LMOD1: variants seen among roughly 807,000 people sequenced by gnomAD.
LMOD1 encodes the protein leiomodin 1, also known as leiomodin-1.
In LMOD1, 8 loss-of-function variants were observed where a neutral mutation model predicts 36.5. The observed-to-expected ratio is 0.22, with a 90% CI of 0.13 to 0.40. The LOEUF (loss-of-function observed/expected upper bound fraction) is 0.40, where lower values mean the gene tolerates loss of function less well. LMOD1 is among the 10% of genes least tolerant of loss of function. The pLI is 1.00. For synonymous variants in LMOD1, 284 were observed against 288.7 expected (o/e 0.98, Z 0.17); for missense variants, 630 against 751.1 (o/e 0.84, Z 1.88).
chr1:201,901,685 TATGTGTATATA>T (rs1681328932), intron 1 of LMOD1, among the ~76,000 whole-genome samples: 1 of 97,090 alleles, frequency 1.0e-5, no homozygotes, highest in Non-Finnish European at 2.2e-5. Flanking sequence ...CACATATATA[TATGTGTATATA>T]TATATATATG....
chr1:201,909,515 G>C (rs555860175), intron 1 of LMOD1, among the ~76,000 whole-genome samples: 1 of 152,282 alleles, frequency 6.6e-6, no homozygotes, highest in African/African-American at 2.4e-5. Context: ...CAAGTCCTGG[G>C]ATTACAGGTG....
chr1:201,938,805 C>T (rs1682064474), intron 1 of LMOD1, among the ~76,000 whole-genome samples: 1 of 152,204 alleles, frequency 6.6e-6, no homozygotes, highest in South Asian at 2.1e-4. Flanking sequence ...ATCCCGACAA[C>T]CCGGCTTGTT....
chr1:201,937,005 A>G (rs938548717), intron 1 of LMOD1, among the ~76,000 whole-genome samples: 13 of 152,204 alleles, frequency 8.5e-5, no homozygotes, highest in African/African-American at 3.1e-4. Flanking sequence ...CTTTGTTGGA[A>G]GTGGTCTCCC....
At chr1:201,919,991 G>A (rs1000129425) in intron 1 of LMOD1, among the ~76,000 whole-genome samples, 8 of 147,014 alleles carry the variant, frequency 5.4e-5, no homozygotes, top group African/African-American at 2.0e-4. Context: ...ACTTCAAAGA[G>A]TAGAAGGAAT....
In LMOD1 at chr1:201,899,279, T is replaced by C. The variant is rs781773168; in HGVS notation, c.1734A>G (p.Leu578=). 6.2e-7 allele frequency: 1 copy of C among 1,604,920 alleles called. No individual in the cohort carries two copies. The highest frequency in any genetic ancestry group is 2.2e-5 in the East Asian group (1 of 44,650). The change falls in exon 2 of 3, where the codon CTA becomes CTG. Residue 578 remains leucine, a synonymous_variant. Transcript: ENST00000367288. This position sits in a 1 kb window ranked among gnomAD's most constrained non-coding sequence, Gnocchi z 6.3. ...GGTTGCTGGAGCGGATGGCAGCCAA[T>C]AGCTGGTCACGGGAGTTCTTCTCCT... ...PAQEKNSRDQ[L]LAAIRSSNLK...
intron 1 of LMOD1, among the ~76,000 whole-genome samples, chr1:201,924,217 A>G (rs1314430987): frequency 6.6e-6 from 1 of 150,880 alleles, no homozygotes; most frequent in Non-Finnish European, 1.5e-5. Context: ...CCAGCTACTC[A>G]GCAGGCTGAG....
At chr1:201,907,065 C>T (rs1681423771) in intron 1 of LMOD1, among the ~76,000 whole-genome samples, 1 of 152,202 alleles carries the variant, frequency 6.6e-6, no homozygotes, top group Non-Finnish European at 1.5e-5. Flanking sequence ...CTTGTAACAA[C>T]TGATATTGCC....
chr1:201,938,539 G>C (rs1489642678), intron 1 of LMOD1, among the ~76,000 whole-genome samples: 1 of 152,294 alleles, frequency 6.6e-6, no homozygotes, highest in South Asian at 2.1e-4. Flanking sequence ...GGTCTAGCTG[G>C]CCCCTGAGGA....
chr1:201,901,556 A>ACG, intron 1 of LMOD1, among the ~76,000 whole-genome samples: 1 of 35,578 alleles, frequency 2.8e-5, no homozygotes, highest in South Asian at 8.1e-4. Flanking sequence ...ATATATACAT[A>ACG]TATATATGTA....
At chr1:201,903,473 G>C (rs920234307) in intron 1 of LMOD1, among the ~76,000 whole-genome samples, 1 of 152,212 alleles carries the variant, frequency 6.6e-6, no homozygotes, top group African/African-American at 2.4e-5. Flanking sequence ...AGATCAACTG[G>C]GTTTGACCCT....
chr1:201,913,535 A>C (rs182000102), intron 1 of LMOD1, among the ~76,000 whole-genome samples: 1 of 152,326 alleles, frequency 6.6e-6, no homozygotes, highest in African/African-American at 2.4e-5. Context: ...CGAAGTCAGG[A>C]GGCAGAGGTT....
chr1:201,910,724 C>T (rs1024594463), intron 1 of LMOD1, among the ~76,000 whole-genome samples: 3 of 131,502 alleles, frequency 2.3e-5, no homozygotes, highest in Non-Finnish European at 4.8e-5. Flanking sequence ...ACATTTTCCC[C>T]TTTTGCAGAT....
intron 1 of LMOD1, among the ~76,000 whole-genome samples, chr1:201,924,706 AAAG>A (rs1400066177): frequency 1.1e-4 from 10 of 87,636 alleles, no homozygotes; most frequent in Non-Finnish European, 2.0e-4. Context: ...AGAAAGAAAG[AAAG>A]AAAGAAAGAA....
intron 1 of LMOD1, among the ~76,000 whole-genome samples, chr1:201,939,201 A>G (rs1225002726): frequency 1.3e-5 from 2 of 151,858 alleles, no homozygotes; most frequent in Non-Finnish European, 2.9e-5. Context: ...ATACAGGTAC[A>G]AACTCTGAAG....
chr1:201,920,045 CTTTTTTTTTTTTTTT>C lies in LMOD1; in HGVS notation c.262-19309_262-19295del, dbSNP rs576044641. ...TCTCCACCCGCCACTGGCTCTCTCT[CTTTTTTTTTTTTTTT>C]TTTTTTTTTTTTTGAGACCAAGTTT... is the stretch of plus-strand genomic sequence containing the variant. On this transcript the variant is annotated intron_variant, in intron 1 of 2. Coordinates refer to ENST00000367288, the MANE Select transcript of LMOD1 (RefSeq NM_012134.3). Among the ~76,000 whole-genome samples the C allele has an allele frequency of 2.2e-3, 118 of 52,544 alleles. 5 individuals carry two copies. In the East Asian group the frequency reaches 0.04, roughly 18 times the overall value. 34.5% of individuals were successfully genotyped at this position (52,544 alleles called of 152,430 possible). A position where few individuals can be genotyped will look rare whatever the true frequency, so the allele number is the denominator to read the frequency against.
rs1244129651 is a variant in LMOD1, at chr1:201,897,139, G to T, written c.*1233C>A. 8.1e-6 allele frequency: 2 copies of T among 245,690 alleles called. No individual in the cohort carries two copies. The highest frequency in any genetic ancestry group is 1.6e-5 in the Non-Finnish European group (2 of 121,912). 15.2% of individuals were successfully genotyped at this position (245,690 alleles called of 1,614,324 possible). ...TGGAATTGGTGAGCAGGTGGGGAGG[G>T]CTGGGGAAGATGAGGCCCCTCTGAG... is the stretch of plus-strand genomic sequence containing the variant. On this transcript the variant is annotated 3_prime_UTR_variant, in exon 3 of 3. Coordinates refer to ENST00000367288, the MANE Select transcript of LMOD1 (RefSeq NM_012134.3).
intron 1 of LMOD1, 76 bp from the exon 2 acceptor site, chr1:201,900,827 G>A: frequency 3.0e-6 from 4 of 1,333,536 alleles, no homozygotes; most frequent in Non-Finnish European, 4.1e-6. Flanking sequence ...GGATGTGTGG[G>A]GGAGCGCTTA....
intron 1 of LMOD1, among the ~76,000 whole-genome samples, chr1:201,907,869 G>A (rs987953428): frequency 6.6e-6 from 1 of 152,130 alleles, no homozygotes; most frequent in Admixed American, 6.5e-5. Context: ...CACTGTATGA[G>A]GGACACAGTG....
In LMOD1 at chr1:201,924,678, A is replaced by AAAG. The variant is rs1171043340; in HGVS notation, c.261+21399_261+21401dup. Among the ~76,000 whole-genome samples the AAAG allele has an allele frequency of 2.5e-3, 54 of 21,986 alleles. 1 individual carries two copies. Among genetic ancestry groups the AAAG allele is most frequent in the South Asian group, 0.015 (7 of 470 alleles). 14.4% of individuals were successfully genotyped at this position (21,986 alleles called of 152,430 possible). On this transcript the variant is annotated intron_variant, in intron 1 of 2. Transcript: ENST00000367288. ...AAAGAAAGAAAAAAAAGAAAGAAAG[A>AAAG]AAGAAAGAAAGAAAGAAAGAAAGAA...
Sources: allele counts gnomAD v4.1 joint callset (sites outside exome capture counted in the v4.1 genomes callset), GRCh38; gene constraint gnomAD v4.1.1; non-coding constraint Gnocchi (gnomAD v3.1); transcripts MANE v1.5; gene names NCBI Gene and HGNC (gene_info 2026-07-23, HGNC 2026-07-21).